Variants in RAB38 observed in about 807,000 individuals in gnomAD.
RAB38 encodes RAB38, member RAS oncogene family.
Under a neutral mutation model 18.4 loss-of-function variants are expected in RAB38, and 15 were observed. The ratio of observed to expected loss-of-function variants is 0.82; its 90% CI spans 0.55 to 1.26. RAB38 has a LOEUF of 1.26. RAB38 is among the 50% of genes most tolerant of loss of function. The pLI, the probability that RAB38 is intolerant of heterozygous loss-of-function variation, is 0.00. For synonymous variants in RAB38, 101 were observed against 104.4 expected, an observed-to-expected ratio of 0.97 and a Z score of 0.20; for missense variants, 294 against 267.4, an observed-to-expected ratio of 1.10 and a Z score of -0.69.
At chr11:88,129,764 A>G (rs1942744816) in intron 2 of RAB38, among the ~76,000 whole-genome samples, 2 of 152,250 alleles carry the variant, frequency 1.3e-5, no homozygotes, top group African/African-American at 4.8e-5. Context: ...TTTAATATAC[A>G]GATACACACA....
chr11:88,074,167 T>C, the RAB38 span, among the ~76,000 whole-genome samples: 5 of 151,868 alleles, frequency 3.3e-5, no homozygotes, highest in Non-Finnish European at 7.4e-5. Flanking sequence ...AATCCATTGG[T>C]AAAAGGAAGT....
chr11:88,043,691 T>A, the RAB38 span, among the ~76,000 whole-genome samples: 3 of 141,820 alleles, frequency 2.1e-5, no homozygotes, highest in African/African-American at 7.7e-5. Flanking sequence ...CCACCCCATC[T>A]CCCTTTGCTG....
the RAB38 span, among the ~76,000 whole-genome samples, chr11:88,023,536 T>C: frequency 3.2e-4 from 48 of 151,594 alleles, no homozygotes; most frequent in Middle Eastern, 0.01. Flanking sequence ...ATCACAGAAA[T>C]AGAAAAAAAA....
chr11:88,121,478 A>G (rs1942627682), intron 2 of RAB38, among the ~76,000 whole-genome samples: 1 of 152,226 alleles, frequency 6.6e-6, no homozygotes, highest in Non-Finnish European at 1.5e-5. Flanking sequence ...TTTGCAGCCC[A>G]TGTTCAGACA....
chr11:88,053,186 TACACACATATATATGGAATA>T, the RAB38 span, among the ~76,000 whole-genome samples: 2 of 110,380 alleles, frequency 1.8e-5, no homozygotes, highest in South Asian at 2.6e-4. Flanking sequence ...AATATATATA[TACACACATATATATGGAATA>T]TATATATACA....
chr11:87,976,585 T>C, the RAB38 span, among the ~76,000 whole-genome samples: 1 of 125,968 alleles, frequency 7.9e-6, no homozygotes, highest in East Asian at 2.3e-4. Flanking sequence ...ATATATATAT[T>C]TTATATACTG....
At chr11:87,866,866 C>T in the RAB38 span, among the ~76,000 whole-genome samples, 1 of 151,722 alleles carries the variant, frequency 6.6e-6, no homozygotes, top group Non-Finnish European at 1.5e-5. Flanking sequence ...CTGGCATGGG[C>T]TGGATTTTGC....
At chr11:88,035,179 C>T in the RAB38 span, among the ~76,000 whole-genome samples, 2 of 152,136 alleles carry the variant, frequency 1.3e-5, no homozygotes, top group Non-Finnish European at 2.9e-5. Context: ...GGTATCTTCT[C>T]TACTGTATGA....
chr11:87,846,182 A>G, the RAB38 span, among the ~76,000 whole-genome samples: 3 of 152,080 alleles, frequency 2.0e-5, no homozygotes. Context: ...AGGGGAGGAT[A>G]TGCAAACAAA....
the RAB38 span, among the ~76,000 whole-genome samples, chr11:88,041,903 C>T: frequency 6.6e-6 from 1 of 152,098 alleles, no homozygotes; most frequent in African/African-American, 2.4e-5. Context: ...CTCAGCCTCC[C>T]CTCATCCTGC....
At chr11:87,954,245 C>G in the RAB38 span, among the ~76,000 whole-genome samples, 4 of 152,112 alleles carry the variant, frequency 2.6e-5, no homozygotes, top group Non-Finnish European at 5.9e-5. Context: ...ATGCATCCAC[C>G]CTGCTGAACT....
At chr11:87,948,437 A>G in the RAB38 span, among the ~76,000 whole-genome samples, 2 of 151,854 alleles carry the variant, frequency 1.3e-5, no homozygotes, top group African/African-American at 2.4e-5. Flanking sequence ...ACTATGTTGA[A>G]TAGGAGTGGT....
the RAB38 span, among the ~76,000 whole-genome samples, chr11:88,028,857 C>T: frequency 1.3e-5 from 2 of 152,120 alleles, no homozygotes; most frequent in Non-Finnish European, 2.9e-5. Context: ...GGCCAACATT[C>T]AGATTCAGGA....
chr11:88,126,923 A>G (rs1164260220), intron 2 of RAB38, among the ~76,000 whole-genome samples: 1 of 152,200 alleles, frequency 6.6e-6, no homozygotes, highest in African/African-American at 2.4e-5. Context: ...GGCACTGAAA[A>G]TAAAGCACTT....
chr11:87,846,001 CAG>C, the RAB38 span, among the ~76,000 whole-genome samples: 1 of 152,026 alleles, frequency 6.6e-6, no homozygotes, highest in Non-Finnish European at 1.5e-5. Flanking sequence ...GTGTCACTAA[CAG>C]ATATTTACTA....
chr11:88,009,203 T>G, the RAB38 span, among the ~76,000 whole-genome samples: 1 of 152,114 alleles, frequency 6.6e-6, no homozygotes, highest in Non-Finnish European at 1.5e-5. Flanking sequence ...AACAATACTA[T>G]AAGATTCTAA....
At chr11:87,850,779 C>G in the RAB38 span, among the ~76,000 whole-genome samples, 20 of 151,860 alleles carry the variant, frequency 1.3e-4, no homozygotes, top group African/African-American at 4.6e-4. Context: ...CAAAGAATGC[C>G]TCAGTCTGAG....
At chr11:87,861,063 C>T in the RAB38 span, among the ~76,000 whole-genome samples, 1 of 151,872 alleles carries the variant, frequency 6.6e-6, no homozygotes, top group African/African-American at 2.4e-5. Flanking sequence ...AGAACAACGT[C>T]CCAAAGAAAT....
At chr11:88,141,082 C>T (rs1031349871) in intron 2 of RAB38, among the ~76,000 whole-genome samples, 1 of 152,168 alleles carries the variant, frequency 6.6e-6, no homozygotes, top group African/African-American at 2.4e-5. Flanking sequence ...TAGATGTTTT[C>T]TTCCTCCCAC....
Sources: gnomAD v4.1 joint callset for allele counts (sites outside exome capture counted in the v4.1 genomes callset) on GRCh38, gnomAD v4.1.1 for gene constraint, MANE v1.5 for transcripts, NCBI Gene and HGNC (gene_info 2026-07-23, HGNC 2026-07-21) for gene names.